CSNK1G1: variants seen among roughly 807,000 people sequenced by gnomAD.
The protein encoded by CSNK1G1 is casein kinase 1 gamma 1.
Under a neutral mutation model 59.6 loss-of-function variants are expected in CSNK1G1, and 22 were observed. That is an observed-to-expected ratio of 0.37 (90% CI 0.26 to 0.53). CSNK1G1 has a LOEUF of 0.53. Ranked by LOEUF, CSNK1G1 falls within the 20% of genes least tolerant of loss-of-function variation. The pLI, the probability that CSNK1G1 is intolerant of heterozygous loss-of-function variation, is 0.89. For synonymous variants in CSNK1G1, 179 were observed against 177.1 expected (o/e 1.01, Z -0.08); for missense variants, 384 against 519.5 (o/e 0.74, Z 2.54).
Position 64,214,073 on chromosome 15 carries a change from T to C in CSNK1G1, c.496A>G (p.Lys166Glu). 6.2e-7 allele frequency: 1 copy of C among 1,614,180 alleles called. No homozygotes were observed. Among genetic ancestry groups the C allele is most frequent in the Non-Finnish European group, 8.5e-7 (1 of 1,180,020 alleles). ...CGACCAATCAGGAAGTTCTCTGGCT[T>C]GACATCTCGGTAAATGAGGTTCTTT... The part of the protein sequence containing the change: ...HSKNLIYRDV[K>E]PENFLIGRQG... The change falls in exon 6 of 12, where the codon AAG becomes GAG. Residue 166 changes from lysine to glutamate, a missense_variant. By Grantham distance (56) the Lys-to-Glu change is moderately conservative. This residue lies in a region of CSNK1G1 where 325 missense variants were observed against 440.9 expected (regional missense o/e 0.74). Transcript: ENST00000303052. The surrounding 1 kb of genome is among the most constrained non-coding windows in gnomAD (Gnocchi z 4.3).
intron 10 of CSNK1G1, among the ~76,000 whole-genome samples, chr15:64,196,771 C>T (rs1477482033): frequency 6.6e-6 from 1 of 151,442 alleles, no homozygotes; most frequent in Non-Finnish European, 1.5e-5. Context: ...ACTTTCTTTG[C>T]TGCAAAAGAC....
intron 1 of CSNK1G1, among the ~76,000 whole-genome samples, chr15:64,355,313 C>A (rs923551493): frequency 1.3e-5 from 2 of 152,216 alleles, no homozygotes; most frequent in Non-Finnish European, 1.5e-5. Flanking sequence ...GTCATTCAGG[C>A]ACTTTCCAAA....
intron 1 of CSNK1G1, among the ~76,000 whole-genome samples, chr15:64,301,921 A>T (rs1895365960): frequency 6.6e-6 from 1 of 152,112 alleles, no homozygotes; most frequent in Admixed American, 6.6e-5. Flanking sequence ...AAAACTTAAG[A>T]GAATTAGAAC....
chr15:64,180,305 T>C (rs770564361), intron 11 of CSNK1G1, 43 bp downstream of exon 11: 1 of 1,459,558 alleles, frequency 6.9e-7, no homozygotes, highest in East Asian at 2.3e-5. Flanking sequence ...AGAAAAGATT[T>C]TTCAACCCAT....
In CSNK1G1 at chr15:64,301,284, T is replaced by C. The variant is rs540013183; in HGVS notation, c.-224-561A>G. Among the ~76,000 whole-genome samples the C allele has an allele frequency of 2.6e-5, 4 of 152,122 alleles. No individual in the cohort carries two copies. The South Asian group carries it at 8.3e-4, about 32-fold the overall frequency. The stretch of plus-strand genomic sequence containing the variant: ...CCTAAAGTTCTGAAAAGCTAAACTT[T>C]TGGTGGTTTTTGCTGTATGCTGAGT... On this transcript the variant is annotated intron_variant, in intron 1 of 11. Coordinates refer to ENST00000303052, the MANE Select transcript of CSNK1G1 (RefSeq NM_022048.5).
intron 2 of CSNK1G1, among the ~76,000 whole-genome samples, chr15:64,266,137 A>G (rs999087651): frequency 6.6e-6 from 1 of 151,850 alleles, no homozygotes; most frequent in Admixed American, 6.6e-5. Context: ...ATCTCGGCTC[A>G]ATGCAAACTC....
At chr15:64,339,352 GC>G (rs929882750) in intron 1 of CSNK1G1, among the ~76,000 whole-genome samples, 1 of 151,990 alleles carries the variant, frequency 6.6e-6, no homozygotes, top group African/African-American at 2.4e-5. Context: ...TCACTCTCTC[GC>G]CCAAGGGGGA....
At chr15:64,193,206 C>T (rs149930518) in intron 10 of CSNK1G1, among the ~76,000 whole-genome samples, 15 of 151,732 alleles carry the variant, frequency 9.9e-5, no homozygotes, top group African/African-American at 3.4e-4. Flanking sequence ...AAGAATGGAA[C>T]AGGAGCCAGC....
chr15:64,290,146 G>A lies in CSNK1G1; in HGVS notation c.181+10173C>T, dbSNP rs76624760. Among the ~76,000 whole-genome samples the A allele has an allele frequency of 8.4e-3, 1,277 of 152,246 alleles. 19 individuals are homozygous for A. The highest frequency in any genetic ancestry group is 0.029 in the African/African-American group (1,198 of 41,530). Reference sequence around the variant, plus strand: ...ATGAGTGCACCCTTTATGAAAAACAGTATGGAAGTTTCCCAAAAAACTAAA... The same window carrying A: ...ATGAGTGCACCCTTTATGAAAAACAATATGGAAGTTTCCCAAAAAACTAAA... On this transcript the variant is annotated intron_variant, in intron 2 of 11. Coordinates refer to ENST00000303052, the MANE Select transcript of CSNK1G1 (RefSeq NM_022048.5).
chr15:64,274,141 A>ACCCTTT (rs1893475613), intron 2 of CSNK1G1, among the ~76,000 whole-genome samples: 1 of 126,986 alleles, frequency 7.9e-6, no homozygotes, highest in Non-Finnish European at 1.6e-5. Context: ...AATCAAATAC[A>ACCCTTT]TGTTACCCTT....
intron 9 of CSNK1G1, among the ~76,000 whole-genome samples, chr15:64,203,589 C>A (rs1015694616): frequency 2.7e-5 from 4 of 148,724 alleles, no homozygotes; most frequent in African/African-American, 7.5e-5. Flanking sequence ...CCCAGCTACT[C>A]GGGATGCTGA....
intron 1 of CSNK1G1, among the ~76,000 whole-genome samples, chr15:64,334,456 C>A (rs574622973): frequency 6.6e-6 from 1 of 152,126 alleles, no homozygotes; most frequent in African/African-American, 2.4e-5. Flanking sequence ...ATTTATTATG[C>A]ACTTAATTTC....
intron 1 of CSNK1G1, among the ~76,000 whole-genome samples, chr15:64,352,538 C>A (rs1898368709): frequency 7.1e-6 from 1 of 140,226 alleles, no homozygotes; most frequent in African/African-American, 2.6e-5. Context: ...CTCCACCTCC[C>A]GGGTTCAAGC....
chr15:64,299,354 C>T (rs539786541), intron 2 of CSNK1G1, among the ~76,000 whole-genome samples: 2 of 151,852 alleles, frequency 1.3e-5, no homozygotes, highest in Admixed American at 6.6e-5. Flanking sequence ...TTTGGGAGGC[C>T]GAGGCGGGCG....
intron 2 of CSNK1G1, among the ~76,000 whole-genome samples, chr15:64,298,807 G>A (rs1266935878): frequency 1.3e-5 from 2 of 151,424 alleles, no homozygotes; most frequent in African/African-American, 4.9e-5. Context: ...GAGGCGGGTG[G>A]ATCACTTGAG....
intron 1 of CSNK1G1, among the ~76,000 whole-genome samples, chr15:64,302,283 T>C (rs565620010): frequency 1.3e-5 from 2 of 152,190 alleles, no homozygotes; most frequent in South Asian, 4.1e-4. Context: ...GTATTTTTAG[T>C]AGAGACGGGG....
chr15:64,196,091 C>T (rs2082035468), intron 10 of CSNK1G1, among the ~76,000 whole-genome samples: 1 of 152,040 alleles, frequency 6.6e-6, no homozygotes, highest in Admixed American at 6.6e-5. Flanking sequence ...GTGGCTCACG[C>T]CCATAGTCCC....
intron 2 of CSNK1G1, among the ~76,000 whole-genome samples, chr15:64,270,473 G>A (rs1196116272): frequency 6.6e-6 from 1 of 151,864 alleles, no homozygotes; most frequent in East Asian, 1.9e-4. Flanking sequence ...CACTATCTGA[G>A]CTGTGGCCGG....
At chr15:64,336,659 T>C (rs549971022) in intron 1 of CSNK1G1, among the ~76,000 whole-genome samples, 3 of 152,202 alleles carry the variant, frequency 2.0e-5, no homozygotes, top group African/African-American at 4.8e-5. Flanking sequence ...ATAACTGACA[T>C]AGATATAACA....
Sources: allele counts gnomAD v4.1 joint callset (sites outside exome capture counted in the v4.1 genomes callset), GRCh38; gene constraint gnomAD v4.1.1; regional missense constraint gnomAD v4.1.1; non-coding constraint Gnocchi (gnomAD v3.1); transcripts MANE v1.5; gene names NCBI Gene and HGNC (gene_info 2026-07-23, HGNC 2026-07-21).